The following FREM1 variants were observed in gnomAD, a reference collection of about 807,000 sequenced individuals.
FREM1 encodes FRAS1 related extracellular matrix 1, also known as FRAS1-related extracellular matrix protein 1.
A neutral mutation model predicts 210.1 loss-of-function variants in FREM1; 220 were observed. That is an observed-to-expected ratio of 1.05 (90% CI 0.94 to 1.17). FREM1 has a LOEUF of 1.17. Among genes scored for constraint, FREM1 ranks in the 50% most tolerant of loss-of-function variants. The pLI is 0.00. For synonymous variants in FREM1, 1,189 were observed against 980.2 expected (o/e 1.21, Z -3.98); for missense variants, 3,454 against 2,675.5 (o/e 1.29, Z -6.42).
At chr9:14,823,961 C>A in intron 12 of FREM1, 64 bp downstream of exon 12, 1 of 913,748 alleles carries the variant, frequency 1.1e-6, no homozygotes, top group Non-Finnish European at 1.7e-6. Context: ...CAATACTAGG[C>A]ATGCCATACC....
intron 10 of FREM1, among the ~76,000 whole-genome samples, chr9:14,839,245 CTGAT>C (rs1417421575): frequency 2.0e-5 from 3 of 152,132 alleles, no homozygotes; most frequent in Non-Finnish European, 4.4e-5. Flanking sequence ...AACCTGCTGA[CTGAT>C]TGGTTGTGCT....
intron 5 of FREM1, among the ~76,000 whole-genome samples, chr9:14,854,610 T>C (rs984106930): frequency 2.6e-5 from 4 of 151,896 alleles, no homozygotes; most frequent in African/African-American, 9.7e-5. Context: ...AGAAGAATAA[T>C]TACAGGAAAA....
chr9:14,873,298 C>G (rs1455365666), intron 1 of FREM1, among the ~76,000 whole-genome samples: 1 of 152,126 alleles, frequency 6.6e-6, no homozygotes, highest in East Asian at 1.9e-4. Context: ...CCATCAGGTC[C>G]TGGACTCTTT....
At chr9:14,759,626 T>C (rs1587762154) in intron 28 of FREM1, 146 bp downstream of exon 28, 1 of 609,074 alleles carries the variant, frequency 1.6e-6, no homozygotes, top group East Asian at 3.0e-5. Flanking sequence ...AAGGAGGTTT[T>C]GTGCTTAGAA....
At chr9:14,822,679 C>T (rs891673843) in intron 13 of FREM1, among the ~76,000 whole-genome samples, 3 of 152,138 alleles carry the variant, frequency 2.0e-5, no homozygotes, top group African/African-American at 7.2e-5. Flanking sequence ...TGAAAAGACC[C>T]AAGTCCTTTC....
intron 1 of FREM1, among the ~76,000 whole-genome samples, chr9:14,870,079 A>G (rs1832312544): frequency 1.3e-5 from 2 of 152,202 alleles, no homozygotes; most frequent in Admixed American, 1.3e-4. Context: ...ATATATCCCT[A>G]AATTCCCAGT....
At chr9:14,787,098 C>A (rs1850539745) in intron 23 of FREM1, among the ~76,000 whole-genome samples, 2 of 152,156 alleles carry the variant, frequency 1.3e-5, no homozygotes, top group African/African-American at 4.8e-5. Flanking sequence ...AGCAACACAG[C>A]AGTTGGGAAG....
chr9:14,778,323 T>C (rs1848972372), intron 24 of FREM1, among the ~76,000 whole-genome samples: 1 of 145,634 alleles, frequency 6.9e-6, no homozygotes, highest in African/African-American at 2.5e-5. Context: ...TTAAAAAAAA[T>C]AAAAGAGGCT....
intron 1 of FREM1, among the ~76,000 whole-genome samples, chr9:14,880,172 C>T (rs1424820777): frequency 6.6e-6 from 1 of 152,140 alleles, no homozygotes; most frequent in Non-Finnish European, 1.5e-5. Flanking sequence ...TCTTGGACTT[C>T]CCAACCTTCA....
intron 1 of FREM1, among the ~76,000 whole-genome samples, chr9:14,872,818 C>G (rs1832928339): frequency 6.6e-6 from 1 of 151,896 alleles, no homozygotes; most frequent in Non-Finnish European, 1.5e-5. Context: ...TCATAGATAG[C>G]TTTTATTATT....
intron 1 of FREM1, among the ~76,000 whole-genome samples, chr9:14,907,681 G>A (rs921394765): frequency 6.6e-6 from 1 of 152,202 alleles, no homozygotes; most frequent in East Asian, 1.9e-4. Flanking sequence ...CTGTGGTCAT[G>A]GTGCTTTGTG....
chr9:14,763,955 T>C (rs1845956466), intron 27 of FREM1, among the ~76,000 whole-genome samples: 1 of 152,210 alleles, frequency 6.6e-6, no homozygotes, highest in South Asian at 2.1e-4. Context: ...CTGAGCTAAG[T>C]TGACCATTGA....
chr9:14,770,011 G>T, intron 26 of FREM1, 143 bp from the exon 27 acceptor site: 1 of 512,486 alleles, frequency 2.0e-6, no homozygotes, highest in Non-Finnish European at 3.3e-6. Context: ...TAACATTACT[G>T]TAACTATCTT....
chr9:14,820,941 A>G (rs1821186478), intron 13 of FREM1, among the ~76,000 whole-genome samples: 1 of 152,172 alleles, frequency 6.6e-6, no homozygotes. Context: ...TGGAATCTTC[A>G]ATTTCCAATG....
chr9:14,807,496 A>C (rs1483244155), intron 17 of FREM1, among the ~76,000 whole-genome samples: 2 of 152,188 alleles, frequency 1.3e-5, no homozygotes, highest in Non-Finnish European at 2.9e-5. Flanking sequence ...TCTAAAAAGC[A>C]AATAAGGTTA....
intron 8 of FREM1, 42 bp downstream of exon 8, chr9:14,845,918 A>G: frequency 6.2e-7 from 1 of 1,606,440 alleles, no homozygotes; most frequent in South Asian, 1.1e-5. Flanking sequence ...TGAAGAAAAT[A>G]CTTTTGGATT....
In FREM1 at chr9:14,775,787, G is replaced by C; in HGVS notation, c.4857+2C>G. The C allele has an allele frequency of 6.3e-7, 1 of 1,593,534 alleles. No individual in the cohort carries two copies. The highest frequency in any genetic ancestry group is 1.1e-5 in the South Asian group (1 of 89,896). On this transcript the variant is annotated splice_donor_variant, in intron 25 of 36. Transcript: ENST00000380880. LOFTEE classifies it high-confidence loss of function. ...CAAATGAACTGTGTTTTTCATACTT[G>C]CCTGAATGGTGAATAAAACAGGTTC...
chr9:14,871,094 G>C (rs1044591471), intron 1 of FREM1, among the ~76,000 whole-genome samples: 2 of 152,066 alleles, frequency 1.3e-5, no homozygotes, highest in Non-Finnish European at 2.9e-5. Context: ...TTGCTATTGT[G>C]AATGGAGCTG....
intron 21 of FREM1, 35 bp from the exon 22 acceptor site, chr9:14,792,919 A>G: frequency 6.9e-7 from 1 of 1,443,650 alleles, no homozygotes; most frequent in Non-Finnish European, 9.4e-7. Flanking sequence ...TGATATAAAA[A>G]TAGAAGATAT....
Sources: allele counts gnomAD v4.1 joint callset (sites outside exome capture counted in the v4.1 genomes callset), GRCh38; gene constraint gnomAD v4.1.1; transcripts MANE v1.5; gene names NCBI Gene and HGNC (gene_info 2026-07-23, HGNC 2026-07-21).